The following SKIC8 variants were observed in gnomAD, a reference collection of about 807,000 sequenced individuals.
SKIC8 encodes the protein SKI8 subunit of superkiller complex, also known as superkiller complex protein 8.
At chr15:78,291,486 G>C in the SKIC8 span, among the ~76,000 whole-genome samples, 1 of 152,106 alleles carries the variant, frequency 6.6e-6, no homozygotes, top group African/African-American at 2.4e-5. Flanking sequence ...CGTCTGGGTA[G>C]CTTTTTCCAA....
At chr15:78,287,678 T>TAC in the SKIC8 span, among the ~76,000 whole-genome samples, 1 of 152,140 alleles carries the variant, frequency 6.6e-6, no homozygotes, top group Non-Finnish European at 1.5e-5. Flanking sequence ...TTACAGGGGA[T>TAC]ACCTCAGTGG....
At chr15:78,283,783 C>T in the SKIC8 span, 1 of 274,054 alleles carries the variant, frequency 3.6e-6, no homozygotes, top group Non-Finnish European at 6.8e-6. Flanking sequence ...AGACTATCTA[C>T]AACCCTTTCA....
chr15:78,295,158 A>C, the SKIC8 span: 1 of 647,250 alleles, frequency 1.5e-6, no homozygotes, highest in East Asian at 2.8e-5. Context: ...CAGTCATATC[A>C]GAAAAAAATT....
At chr15:78,290,072 G>A in the SKIC8 span, 1 of 1,613,864 alleles carries the variant, frequency 6.2e-7, no homozygotes, top group Non-Finnish European at 8.5e-7. Context: ...CTGGGAATCA[G>A]GAGAAAAGGC....
chr15:78,294,434 C>T, the SKIC8 span: 5 of 161,324 alleles, frequency 3.1e-5, no homozygotes, highest in Non-Finnish European at 6.8e-5. Context: ...CCACTCTGAC[C>T]TGCCACCTGC....
At chr15:78,296,369 G>C in the SKIC8 span, among the ~76,000 whole-genome samples, 3 of 151,770 alleles carry the variant, frequency 2.0e-5, no homozygotes, top group Non-Finnish European at 4.4e-5. Context: ...TTGTGCCACT[G>C]AACTCCAGCC....
chr15:78,293,651 G>A, the SKIC8 span, among the ~76,000 whole-genome samples: 4 of 152,166 alleles, frequency 2.6e-5, no homozygotes, highest in East Asian at 1.9e-4. Flanking sequence ...CAGATACTCC[G>A]AAAAGATCTT....
At chr15:78,289,528 C>A in the SKIC8 span, 1 of 927,176 alleles carries the variant, frequency 1.1e-6, no homozygotes, top group South Asian at 1.6e-5. Context: ...ATCTAATGCC[C>A]ATTTGCCATT....
chr15:78,287,965 C>A, the SKIC8 span, among the ~76,000 whole-genome samples: 1 of 152,128 alleles, frequency 6.6e-6, no homozygotes, highest in Non-Finnish European at 1.5e-5. Context: ...CCAGCTACAG[C>A]CCATGGCTCC....
chr15:78,296,229 AACC>A, the SKIC8 span, among the ~76,000 whole-genome samples: 1,802 of 152,108 alleles, frequency 0.012, 41 homozygotes, highest in African/African-American at 0.041. Context: ...GACATGGTGA[AACC>A]ACGTCTCTAA....
At chr15:78,289,775 C>T in the SKIC8 span, 2 of 1,562,664 alleles carry the variant, frequency 1.3e-6, no homozygotes, top group South Asian at 2.2e-5. Flanking sequence ...GCTGTCCCTA[C>T]CAAACACAAG....
the SKIC8 span, chr15:78,294,573 T>C: frequency 0.17 from 37,144 of 220,556 alleles, 3,666 homozygotes; most frequent in Non-Finnish European, 0.21. Flanking sequence ...AGTTCTGAGT[T>C]CAGAAAAAGG....
chr15:78,285,956 C>A, the SKIC8 span: 2 of 1,148,854 alleles, frequency 1.7e-6, no homozygotes, highest in South Asian at 3.7e-5. Context: ...AAGGGTCAAA[C>A]ATCTTTAAAT....
chr15:78,287,722 AAAG>A, the SKIC8 span, among the ~76,000 whole-genome samples: 2 of 152,204 alleles, frequency 1.3e-5, no homozygotes, highest in South Asian at 2.1e-4. Context: ...TGATGGGGGA[AAAG>A]AAGAAGACAT....
the SKIC8 span, chr15:78,294,769 TTTGTTGTTG>T: frequency 4.0e-4 from 205 of 506,304 alleles, 2 homozygotes; most frequent in Middle Eastern, 2.7e-3. Context: ...TGTTCAGGTT[TTTGTTGTTG>T]TTGTTGTTGT....
chr15:78,295,104 G>T, the SKIC8 span: 2 of 1,050,248 alleles, frequency 1.9e-6, no homozygotes, highest in Non-Finnish European at 1.4e-6. Flanking sequence ...TGTCAACCTG[G>T]CCATCCCGCA....
the SKIC8 span, among the ~76,000 whole-genome samples, chr15:78,298,081 T>C: frequency 6.6e-6 from 1 of 152,104 alleles, no homozygotes; most frequent in African/African-American, 2.4e-5. Flanking sequence ...GGGTTCTTTC[T>C]GCCCAGGGTA....
chr15:78,295,258 A>G, the SKIC8 span: 1 of 558,854 alleles, frequency 1.8e-6, no homozygotes, highest in Non-Finnish European at 3.2e-6. Flanking sequence ...TTCTGTTCTG[A>G]TCACCAAGGA....
chr15:78,289,429 CAAAA>C, the SKIC8 span, among the ~76,000 whole-genome samples: 15 of 148,166 alleles, frequency 1.0e-4, no homozygotes, highest in Non-Finnish European at 1.5e-4. Flanking sequence ...AACAAACAAA[CAAAA>C]AAACAAAAAA....
Sources: gnomAD v4.1 joint callset for allele counts (sites outside exome capture counted in the v4.1 genomes callset) on GRCh38, gnomAD v4.1.1 for gene constraint, MANE v1.5 for transcripts, NCBI Gene and HGNC (gene_info 2026-07-23, HGNC 2026-07-21) for gene names.